Variants in NTRK3 observed in about 807,000 individuals in gnomAD.
NTRK3 encodes NT-3 growth factor receptor.
Under a neutral mutation model 91.7 loss-of-function variants are expected in NTRK3, and 24 were observed. The observed-to-expected ratio is 0.26, with a 90% CI of 0.19 to 0.37. NTRK3 has a LOEUF of 0.37. Among genes scored for constraint, NTRK3 ranks in the 10% least tolerant of loss-of-function variants. NTRK3 has a pLI of 1.00. For missense variants in NTRK3, 880 were observed against 1,068.9 expected (o/e 0.82, Z 2.46); for synonymous variants, 483 against 404.0 (o/e 1.20, Z -2.34).
At position 88,063,961 on chromosome 15, in the gene NTRK3, C is replaced by G. The variant is rs144604148; in HGVS notation, c.1397-30916G>C. The stretch of plus-strand genomic sequence containing the variant: ...TCCACCTCAAACCTCAGAATGTGAC[C>G]TTATCTGGAAATAGAGTCTTTGTAG... On this transcript the variant is annotated intron_variant, in intron 13 of 18. Transcript: ENST00000394480. Among the ~76,000 whole-genome samples, 765 of 152,286 alleles carry G rather than the reference C, an allele frequency of 5.0e-3. 4 individuals are homozygous for G. The highest frequency in any genetic ancestry group is 8.8e-3 in the Non-Finnish European group (599 of 68,034).
chr15:87,906,756 CACTA>C (rs1252891307), intron 17 of NTRK3, among the ~76,000 whole-genome samples: 2 of 152,164 alleles, frequency 1.3e-5, no homozygotes, highest in African/African-American at 2.4e-5. Context: ...ACACACACAA[CACTA>C]ACTACCACCA....
chr15:88,041,049 A>G (rs373307780), intron 13 of NTRK3, among the ~76,000 whole-genome samples: 3 of 152,210 alleles, frequency 2.0e-5, no homozygotes, highest in East Asian at 3.8e-4. Flanking sequence ...TCTCAACAGT[A>G]TGGCTGACAC....
chr15:87,974,307 A>G (rs2073523556), intron 14 of NTRK3, among the ~76,000 whole-genome samples: 1 of 152,154 alleles, frequency 6.6e-6, no homozygotes, highest in Admixed American at 6.5e-5. Flanking sequence ...ATTGAGCCTG[A>G]TTTGTGTTTG....
At chr15:88,224,220 C>T (rs2050483894) in intron 3 of NTRK3, among the ~76,000 whole-genome samples, 1 of 152,136 alleles carries the variant, frequency 6.6e-6, no homozygotes, top group Non-Finnish European at 1.5e-5. Flanking sequence ...CAGGATGCTC[C>T]CTGCAAGGTG....
chr15:88,007,158 A>G (rs975397985), intron 14 of NTRK3, among the ~76,000 whole-genome samples: 2 of 152,232 alleles, frequency 1.3e-5, no homozygotes, highest in African/African-American at 2.4e-5. Context: ...TCTAGGTATG[A>G]TACAATGATA....
chr15:88,080,803 C>A (rs1043879506), intron 13 of NTRK3, among the ~76,000 whole-genome samples: 2 of 152,362 alleles, frequency 1.3e-5, no homozygotes, highest in East Asian at 1.9e-4. Flanking sequence ...GCAGGGGAAG[C>A]AAGCATGGTG....
chr15:87,884,768 A>C (rs942706437), intron 17 of NTRK3, among the ~76,000 whole-genome samples: 2 of 151,832 alleles, frequency 1.3e-5, no homozygotes, highest in Admixed American at 1.3e-4. Context: ...AAAAATGCCA[A>C]AAATTTCCAA....
At chr15:88,012,264 G>A (rs2076933659) in intron 14 of NTRK3, among the ~76,000 whole-genome samples, 1 of 152,196 alleles carries the variant, frequency 6.6e-6, no homozygotes, top group Non-Finnish European at 1.5e-5. Flanking sequence ...AGGGTGCTAG[G>A]AGTTGGTGGT....
intron 14 of NTRK3, among the ~76,000 whole-genome samples, chr15:88,023,511 T>C (rs1392903762): frequency 3.3e-5 from 5 of 152,086 alleles, no homozygotes; most frequent in East Asian, 3.9e-4. Flanking sequence ...GTGAAAAAGG[T>C]TAAAGCTAAA....
rs1320307436 is a variant in NTRK3, at chr15:88,233,534, C to T, written c.248+22372G>A. On this transcript the variant is annotated intron_variant, in intron 3 of 18. Coordinates refer to ENST00000394480, the Ensembl canonical transcript of NTRK3. The surrounding 1 kb of genome is among the most constrained non-coding windows in gnomAD (Gnocchi z 4.2). Reference sequence around the variant, plus strand: ...CCAAGACCCTCTAATCCCCCAGCTGCAGAGACTCCCCCAAGGACTTCCTAG... The same window carrying T: ...CCAAGACCCTCTAATCCCCCAGCTGTAGAGACTCCCCCAAGGACTTCCTAG... 2.6e-5 allele frequency among the ~76,000 whole-genome samples: 4 copies of T among 152,168 alleles called. No homozygotes were observed. The highest frequency in any genetic ancestry group is 5.9e-5 in the Non-Finnish European group (4 of 68,020).
intron 3 of NTRK3, among the ~76,000 whole-genome samples, chr15:88,204,018 C>T (rs2048520820): frequency 1.3e-5 from 2 of 152,152 alleles, no homozygotes; most frequent in South Asian, 4.1e-4. Context: ...TGTCCTAACG[C>T]TCTCCCTCCC....
chr15:87,912,621 GCT>G (rs112477797), intron 17 of NTRK3, among the ~76,000 whole-genome samples: 55 of 148,254 alleles, frequency 3.7e-4, no homozygotes, highest in South Asian at 4.3e-4. Flanking sequence ...AGGGACATCT[GCT>G]CTCTCTCTCT....
At chr15:88,007,035 C>T (rs2141701737) in intron 14 of NTRK3, among the ~76,000 whole-genome samples, 1 of 152,168 alleles carries the variant, frequency 6.6e-6, no homozygotes, top group African/African-American at 2.4e-5. Flanking sequence ...CAAATGGAGG[C>T]CATGGCAAGG....
chr15:88,124,045 T>C (rs1403213423), intron 13 of NTRK3, among the ~76,000 whole-genome samples: 6 of 152,142 alleles, frequency 3.9e-5, no homozygotes, highest in Non-Finnish European at 8.8e-5. Context: ...TGCATTCGGA[T>C]GGTTGGGGGG....
intron 5 of NTRK3, among the ~76,000 whole-genome samples, chr15:88,171,603 C>T (rs565258332): frequency 6.6e-6 from 1 of 152,314 alleles, no homozygotes; most frequent in Admixed American, 6.5e-5. Context: ...TGTGCAGCCA[C>T]TGAGAAAGGT....
intron 3 of NTRK3, among the ~76,000 whole-genome samples, chr15:88,248,819 C>T (rs898708812): frequency 1.1e-4 from 16 of 152,248 alleles, no homozygotes; most frequent in African/African-American, 1.9e-4. Context: ...GAAACGCTAA[C>T]GATTGTTATC....
intron 8 of NTRK3, 138 bp downstream of exon 8, chr15:88,136,328 GA>G: frequency 1.7e-6 from 2 of 1,171,358 alleles, no homozygotes; most frequent in South Asian, 1.3e-5. Flanking sequence ...GAAATGGCTA[GA>G]AAATATTGCA....
exon 9 of NTRK3, chr15:88,136,011 G>T (rs761450089): frequency 6.2e-7 from 1 of 1,614,098 alleles, no homozygotes; most frequent in Non-Finnish European, 8.5e-7. Context: ...TCAAGTTGAT[G>T]GCATGAACAT....
At chr15:88,170,392 T>G (rs1049636480) in intron 5 of NTRK3, among the ~76,000 whole-genome samples, 3 of 152,218 alleles carry the variant, frequency 2.0e-5, no homozygotes, top group Non-Finnish European at 2.9e-5. Context: ...TAAAGTCCTT[T>G]CATCAAGTTT....
Sources: allele counts gnomAD v4.1 joint callset (sites outside exome capture counted in the v4.1 genomes callset), GRCh38; gene constraint gnomAD v4.1.1; non-coding constraint Gnocchi (gnomAD v3.1); transcripts MANE v1.5; gene names NCBI Gene and HGNC (gene_info 2026-07-23, HGNC 2026-07-21).